The following OTOG variants were observed in gnomAD, a reference collection of about 807,000 sequenced individuals.
The protein encoded by OTOG is otogelin.
OTOG carries 296 observed loss-of-function variants against 313.8 expected under a neutral mutation model. That is an observed-to-expected ratio of 0.94 (90% CI 0.86 to 1.04). OTOG has a LOEUF of 1.04. Ranked by LOEUF, OTOG falls within the 50% of genes least tolerant of loss-of-function variation. OTOG has a pLI of 0.00. For missense variants in OTOG, 3,948 were observed against 3,840.1 expected (o/e 1.03, Z -0.74); for synonymous variants, 1,533 against 1,554.9 (o/e 0.99, Z 0.33).
rs1189301277 is a variant in OTOG, at chr11:17,597,717, T to C, written c.3682+710T>C. Among the ~76,000 whole-genome samples the C allele has an allele frequency of 2.6e-5, 4 of 152,334 alleles. No homozygotes were observed. The East Asian group carries it at 5.8e-4, about 22-fold the overall frequency. ...AGAAAATATAAAGAAGGCTAAATTC[T>C]TCATTGATTATTTTTTATTTATTCC... On this transcript the variant is annotated intron_variant, in intron 30 of 55. Transcript: ENST00000399397.
chr11:17,604,014 G>A (rs1470101473), intron 32 of OTOG, among the ~76,000 whole-genome samples: 1 of 152,202 alleles, frequency 6.6e-6, no homozygotes, highest in Non-Finnish European at 1.5e-5. Flanking sequence ...ATCTTAGGAG[G>A]TAGGGACTAT....
In OTOG at chr11:17,639,436, C is replaced by T; in HGVS notation, c.7908C>T (p.Asp2636=). Residue 2636 remains aspartate, a synonymous_variant, in exon 49 of 56, where the codon GAC becomes GAT. Transcript: ENST00000399397. ...TGTGTTTTTCAGAATGTGACTGTGA[C>T]ACAATCCCGGTGCCCCGGTGCCATC... ...CPYKSCECDC[D]TIPVPRCHLW... is the part of the protein sequence containing the mutation. The T allele has an allele frequency of 7.1e-6, 11 of 1,550,744 alleles. No homozygotes were observed. The highest frequency in any genetic ancestry group is 9.6e-6 in the Non-Finnish European group (11 of 1,147,026).
Position 17,558,566 on chromosome 11 carries a change from T to C in OTOG, c.1025T>C (p.Leu342Pro). Residue 342 changes from leucine to proline, a missense_variant, in exon 10 of 56, where the codon CTG becomes CCG. Leu to Pro is a moderately conservative substitution (Grantham distance 98). Transcript: ENST00000399397. ...QGVYEQCEAL[L>P]RPPFDACHAY... Reference sequence around the variant, plus strand: ...GTGTACGAGCAGTGTGAGGCTCTACTGCGGCCCCCCTTTGACGCCTGCCAC... The same window carrying C: ...GTGTACGAGCAGTGTGAGGCTCTACCGCGGCCCCCCTTTGACGCCTGCCAC... 3.9e-6 allele frequency: 6 copies of C among 1,550,528 alleles called. No homozygotes were observed. Among genetic ancestry groups the C allele is most frequent in the South Asian group, 1.2e-5 (1 of 84,068 alleles).
At chr11:17,553,326 C>T (rs986341023) in intron 5 of OTOG, 39 bp from the exon 6 acceptor site, 16 of 1,489,800 alleles carry the variant, frequency 1.1e-5, no homozygotes, top group African/African-American at 8.4e-5. Flanking sequence ...TTGGTGCCCA[C>T]TGTAGCTACA....
In OTOG at chr11:17,632,195, G is replaced by A. The variant is rs1260105565; in HGVS notation, c.7041G>A (p.Val2347=). The change falls in exon 42 of 56, where the codon GTG becomes GTA. Residue 2347 remains valine (V), a synonymous_variant. Coordinates refer to ENST00000399397, the MANE Select transcript of OTOG (RefSeq NM_001292063.2). ...VYVAMCHKFH[V]CIEWRRSDYC... ...TGGCCATGTGCCACAAATTTCATGT[G>A]TGCATCGAGTGGCGGCGCTCTGACT... The A allele has an allele frequency of 7.1e-6, 11 of 1,551,024 alleles. No individual in the cohort carries two copies. The highest frequency in any genetic ancestry group is 7.8e-6 in the Non-Finnish European group (9 of 1,146,952).
intron 39 of OTOG, among the ~76,000 whole-genome samples, chr11:17,619,281 A>G (rs1431699094): frequency 6.6e-6 from 1 of 152,154 alleles, no homozygotes; most frequent in Admixed American, 6.5e-5. Flanking sequence ...CAACAAACAA[A>G]CAAACAAATA....
intron 39 of OTOG, among the ~76,000 whole-genome samples, chr11:17,623,911 T>C (rs1164596301): frequency 6.6e-6 from 1 of 152,194 alleles, no homozygotes; most frequent in Non-Finnish European, 1.5e-5. Flanking sequence ...ATGTTGAGCT[T>C]TTTTCATATG....
At chr11:17,631,629 C>CA (rs1049699966) in intron 40 of OTOG, 73 bp from the exon 41 acceptor site, 1 of 1,273,896 alleles carries the variant, frequency 7.8e-7, no homozygotes, top group Non-Finnish European at 1.1e-6. Flanking sequence ...GTGAGGAATA[C>CA]AAAAAGTGAG....
chr11:17,627,695 T>C (rs1397617146), intron 39 of OTOG, among the ~76,000 whole-genome samples: 5 of 152,252 alleles, frequency 3.3e-5, no homozygotes, highest in African/African-American at 9.6e-5. Flanking sequence ...AAGTCAGCAG[T>C]GAAGCCATCG....
intron 36 of OTOG, among the ~76,000 whole-genome samples, chr11:17,611,814 CTGTGTG>C (rs3073108): frequency 2.5e-3 from 373 of 150,870 alleles, no homozygotes; most frequent in Middle Eastern, 0.01. Flanking sequence ...TTGTGAGAAA[CTGTGTG>C]TGTGTGTGTG....
chr11:17,592,329 C>T (rs1852966803), intron 25 of OTOG, among the ~76,000 whole-genome samples: 1 of 152,130 alleles, frequency 6.6e-6, no homozygotes, highest in Admixed American at 6.5e-5. Context: ...GGAATCCTAC[C>T]TATAGGGCAG....
Position 17,597,023 on chromosome 11 carries a change from A to C in OTOG, c.3682+16A>C, listed in dbSNP as rs1454068664. 1.3e-6 allele frequency: 2 copies of C among 1,549,176 alleles called. No homozygotes were observed. The highest frequency in any genetic ancestry group is 3.9e-5 in the Admixed American group (2 of 50,962). ...CGCCTCTGCCGTGAGTGTCCCAGAC[A>C]ATCACCTGAGGGGACAGAGTAGAGT... On this transcript the variant is annotated intron_variant, in intron 30 of 55. Coordinates refer to ENST00000399397, the MANE Select transcript of OTOG (RefSeq NM_001292063.2).
At position 17,586,551 on chromosome 11, in the gene OTOG, G is replaced by A. The variant is rs1455245694; in HGVS notation, c.2837G>A (p.Gly946Glu). ...TGGAAGGGGAAGGAGTATTTCCCTG[G>A]GGACCAGGTGATGTCTCCTTGCCAT... ...CTWKGKEYFPGDQVMSPCHTC... is the reference protein window; with the variant it reads ...CTWKGKEYFPEDQVMSPCHTC... Residue 946 changes from glycine (G) to glutamate (E), a missense_variant, in exon 24 of 56, where the codon GGG becomes GAG. Gly to Glu is a moderately conservative substitution (Grantham distance 98). Coordinates refer to ENST00000399397, the MANE Select transcript of OTOG (RefSeq NM_001292063.2). The A allele has an allele frequency of 2.8e-6, 4 of 1,428,244 alleles. No homozygotes were observed. 88.5% of individuals were successfully genotyped at this position (1,428,244 alleles called of 1,614,324 possible).
At chr11:17,603,249 G>T (rs1175844801) in intron 32 of OTOG, among the ~76,000 whole-genome samples, 1 of 152,112 alleles carries the variant, frequency 6.6e-6, no homozygotes, top group Non-Finnish European at 1.5e-5. Context: ...GCACTGGGCC[G>T]CAGGACAGCT....
At chr11:17,573,037 C>A in intron 18 of OTOG, 41 bp from the exon 19 acceptor site, 1 of 1,487,728 alleles carries the variant, frequency 6.7e-7, no homozygotes. Flanking sequence ...CCAGGTAGAC[C>A]GACTCCCCTG....
At chr11:17,573,495 T>G (rs138091216) in intron 19 of OTOG, among the ~76,000 whole-genome samples, 3 of 152,328 alleles carry the variant, frequency 2.0e-5, no homozygotes, top group South Asian at 2.1e-4. Context: ...CTGGGACCTG[T>G]GACTCAGGAC....
intron 39 of OTOG, among the ~76,000 whole-genome samples, chr11:17,614,189 G>C (rs1853667904): frequency 6.6e-6 from 1 of 152,104 alleles, no homozygotes; most frequent in Non-Finnish European, 1.5e-5. Flanking sequence ...GCCCACCTTT[G>C]CTCCTCCCAA....
At chr11:17,549,987 A>G (rs532564251) in intron 3 of OTOG, among the ~76,000 whole-genome samples, 29 of 152,350 alleles carry the variant, frequency 1.9e-4, no homozygotes, top group Non-Finnish European at 3.8e-4. Context: ...CCGCTTCTAC[A>G]GAGCTCAACC....
At chr11:17,598,098 AG>A in intron 30 of OTOG, among the ~76,000 whole-genome samples, 1 of 152,240 alleles carries the variant, frequency 6.6e-6, no homozygotes, top group Non-Finnish European at 1.5e-5. Flanking sequence ...GTGGAGCAGA[AG>A]GACACTTGCT....
Sources: allele counts gnomAD v4.1 joint callset (sites outside exome capture counted in the v4.1 genomes callset), GRCh38; gene constraint gnomAD v4.1.1; transcripts MANE v1.5; gene names NCBI Gene and HGNC (gene_info 2026-07-23, HGNC 2026-07-21).